The following KIF12 variants were observed in gnomAD, a reference collection of about 807,000 sequenced individuals.
The protein encoded by KIF12 is kinesin family member 12.
KIF12 carries 80 observed loss-of-function variants against 87.9 expected under a neutral mutation model. The ratio of observed to expected loss-of-function variants is 0.91; its 90% CI spans 0.76 to 1.10. The LOEUF is 1.10. Ranked by LOEUF, KIF12 falls within the 50% of genes least tolerant of loss-of-function variation. The probability of loss-of-function intolerance (pLI) is 0.00; values close to 1 mark genes in which losing one functional copy is unlikely to be tolerated. For missense variants in KIF12, 819 were observed against 865.3 expected (o/e 0.95, Z 0.67); for synonymous variants, 353 against 348.5 (o/e 1.01, Z -0.14).
intron 11 of KIF12, 85 bp from the exon 12 acceptor site, chr9:114,094,540 G>C (rs1847132422): frequency 1.3e-6 from 1 of 780,092 alleles, no homozygotes; most frequent in East Asian, 2.5e-5. Flanking sequence ...GAAGTAACTG[G>C]GGCCTAAAAT....
At chr9:114,092,719 T>C (rs546758730) in intron 16 of KIF12, 77 bp from the exon 17 acceptor site, 3 of 1,522,458 alleles carry the variant, frequency 2.0e-6, no homozygotes, top group Non-Finnish European at 2.6e-6. Context: ...GTGCTAGCCA[T>C]GACACCCCAC....
At chr9:114,092,114 T>TGCCCCCCC in intron 18 of KIF12, 114 bp from the exon 19 acceptor site, 5 of 1,388,886 alleles carry the variant, frequency 3.6e-6, no homozygotes, top group Non-Finnish European at 4.8e-6. Flanking sequence ...CCTCCACCCT[T>TGCCCCCCC]CCCCCCACCC....
At chr9:114,098,507 A>T in intron 3 of KIF12, 78 bp from the exon 4 acceptor site, 1 of 387,136 alleles carries the variant, frequency 2.6e-6, no homozygotes, top group Middle Eastern at 1.2e-3. Context: ...ACCGTGGAGG[A>T]GGGCGGGGCA....
At chr9:114,093,536 C>G (rs201489233) in intron 14 of KIF12, 39 bp from the exon 15 acceptor site, 1 of 1,483,674 alleles carries the variant, frequency 6.7e-7, no homozygotes, top group Non-Finnish European at 9.2e-7. Flanking sequence ...CAGCCTCCAA[C>G]CCTACCACCA....
rs952942397 is a variant in KIF12 at position 114,097,638 on chromosome 9, C to T, written c.479G>A (p.Arg160His). ...VQHLGAPVTL[R>H]ASYLEIYNEQ... Reference sequence around the variant, plus strand: ...ATTGTAGATCTCCAGATAAGAGGCGCGAAGGGTGACAGGGGCACCCAGGTG... The same window carrying T: ...ATTGTAGATCTCCAGATAAGAGGCGTGAAGGGTGACAGGGGCACCCAGGTG... The change falls in exon 6 of 19, where the codon CGC (arginine) becomes CAC (histidine). Residue 160 changes from arginine (R) to histidine (H), a missense_variant. Coordinates refer to ENST00000640217, the MANE Select transcript of KIF12 (RefSeq NM_001388308.1). 2 of 1,612,532 alleles carry T rather than the reference C, an allele frequency of 1.2e-6. No homozygotes were observed. The highest frequency in any genetic ancestry group is 1.7e-5 in the Admixed American group (1 of 59,882).
chr9:114,098,539 TCTGGAGGAGGGCGGGGCACC>T (rs1564385660), intron 3 of KIF12, 110 bp from the exon 4 acceptor site: 10 of 662,832 alleles, frequency 1.5e-5, no homozygotes, highest in Non-Finnish European at 6.4e-6. Context: ...GGCGGGGCAC[TCTGGAGGAGGGCGGGGCACC>T]CTGGAGAAGG....
At chr9:114,092,774 G>A (rs1269248316) in intron 16 of KIF12, 132 bp from the exon 17 acceptor site, 11 of 1,485,694 alleles carry the variant, frequency 7.4e-6, no homozygotes, top group African/African-American at 2.8e-5. Flanking sequence ...ATGGCATAAA[G>A]GGGTGGGGTC....
In KIF12 at chr9:114,091,783, A is replaced by G. The variant is rs1847007480; in HGVS notation, c.*78T>C. On this transcript the variant is annotated 3_prime_UTR_variant, in exon 19 of 19. Transcript: ENST00000640217. ...GTAGCAGCTGCTGTCTCCATTCAGC[A>G]GATGGGCAGACTGAAGCCCAAGAGT... The G allele has an allele frequency of 3.5e-6, 5 of 1,425,112 alleles. No individual in the cohort carries two copies. Among genetic ancestry groups the G allele is most frequent in the East Asian group, 2.5e-5 (1 of 40,294 alleles). The allele number at this position is 1,425,112 out of a possible 1,614,324, so 88.3% of individuals were successfully genotyped here.
chr9:114,093,807 C>T (rs554073394), intron 14 of KIF12, 79 bp downstream of exon 14: 1 of 1,251,748 alleles, frequency 8.0e-7, no homozygotes, highest in Admixed American at 1.8e-5. Flanking sequence ...AGGCCAGCCT[C>T]AAGCAGTTCA....
chr9:114,094,335 C>A lies in KIF12; in HGVS notation c.1222+18G>T. 1.2e-6 allele frequency: 2 copies of A among 1,610,940 alleles called. No individual in the cohort carries two copies. The highest frequency in any genetic ancestry group is 1.7e-6 in the Non-Finnish European group (2 of 1,177,228). ...CAGACCCTATCCCCATCCTACTCTG[C>A]CTCCAGGAAGCCCATACCCTTGCAG... On this transcript the variant is annotated intron_variant, in intron 12 of 18. Coordinates refer to ENST00000640217, the MANE Select transcript of KIF12 (RefSeq NM_001388308.1).
In KIF12 at chr9:114,092,429, T is replaced by G. The variant is rs1386799572; in HGVS notation, c.1720A>C (p.Thr574Pro). The stretch of plus-strand genomic sequence containing the variant: ...GTCAACATCTCTGCCAGGACTCGGG[T>G]CTGAGTCCAGTCACTGTGACTCCTG... ...RERSHSDWTQ[T>P]RVLAEMLTEE... Residue 574 changes from threonine (T) to proline (P), a missense_variant, in exon 18 of 19, where the codon ACC becomes CCC. Transcript: ENST00000640217. 6.2e-7 allele frequency: 1 copy of G among 1,613,558 alleles called. No homozygotes were observed. The highest frequency in any genetic ancestry group is 8.5e-7 in the Non-Finnish European group (1 of 1,179,796).
chr9:114,098,837 T>C, intron 3 of KIF12, 98 bp downstream of exon 3: 1 of 1,393,808 alleles, frequency 7.2e-7, no homozygotes, highest in Non-Finnish European at 9.7e-7. Context: ...AGAGGACCAC[T>C]CCGGGGGAGC....
rs763811977 is a variant in KIF12, at chr9:114,096,426, T to G, written c.699A>C (p.Arg233=). 5.0e-6 allele frequency: 8 copies of G among 1,613,206 alleles called. No individual in the cohort carries two copies. The highest frequency in any genetic ancestry group is 6.8e-6 in the Non-Finnish European group (8 of 1,179,748). ...SAHTLNQASS[R]SHALLTLYIS... is the part of the protein sequence containing the mutation. Reference sequence around the variant, plus strand: ...TGTAAAGGGTGAGCAGGGCATGGCTTCGGCTGGAGGCCTGGTTCAGGGTGT... The same window carrying G: ...TGTAAAGGGTGAGCAGGGCATGGCTGCGGCTGGAGGCCTGGTTCAGGGTGT... Residue 233 remains arginine (R), a synonymous_variant, in exon 8 of 19, where the codon CGA becomes CGC. Coordinates refer to ENST00000640217, the MANE Select transcript of KIF12 (RefSeq NM_001388308.1).
chr9:114,095,102 T>C lies in KIF12; in HGVS notation c.1040A>G (p.Gln347Arg). 6.2e-7 allele frequency: 1 copy of C among 1,609,474 alleles called. No homozygotes were observed. Among genetic ancestry groups the C allele is most frequent in the Non-Finnish European group, 8.5e-7 (1 of 1,177,638 alleles). Reference sequence around the variant, plus strand: ...GGTGCTGAGAGTCTCAGGAAGGCACTGGGCTGAGGGGGACACGCAGGCCAC... The same window carrying C: ...GGTGCTGAGAGTCTCAGGAAGGCACCGGGCTGAGGGGGACACGCAGGCCAC... ...LMVACVSPSAQCLPETLSTLR... is the reference protein window; with the variant it reads ...LMVACVSPSARCLPETLSTLR... The change falls in exon 11 of 19, where the codon CAG becomes CGG. Residue 347 changes from glutamine (Q) to arginine (R), a missense_variant. Transcript: ENST00000640217.
chr9:114,098,406 T>G lies in KIF12; in HGVS notation c.195A>C (p.Pro65=). The G allele has an allele frequency of 6.6e-7, 1 of 1,510,484 alleles. No homozygotes were observed. The highest frequency in any genetic ancestry group is 8.8e-7 in the Non-Finnish European group (1 of 1,136,498). 93.6% of individuals were successfully genotyped at this position (1,510,484 alleles called of 1,614,324 possible). Residue 65 remains proline (P), a synonymous_variant, in exon 4 of 19, where the codon CCA becomes CCC. Transcript: ENST00000640217. ...CCGCACCGAAGCGGAACGCCACTTC[T>G]GGACCCCCGCCTGGAGGACTCACCT... ...TLQVSPPGGG[P]EVAFRFGAVL...
In KIF12 at chr9:114,096,082, A is replaced by G. The variant is rs778172314; in HGVS notation, c.864T>C (p.Ala288=). ...CCAGCAGGCTTCGGTTGATGCTGTT[A>G]GCCTCAAGCATCAGCTCCCCACGGG... ...TGSRGELMLE[A]NSINRSLLAL... The change falls in exon 9 of 19, where the codon GCT becomes GCC. Residue 288 remains alanine, a synonymous_variant. Transcript: ENST00000640217. The G allele has an allele frequency of 6.8e-6, 11 of 1,613,464 alleles. No individual in the cohort carries two copies. The highest frequency in any genetic ancestry group is 7.6e-6 in the Non-Finnish European group (9 of 1,179,936).
intron 9 of KIF12, 129 bp downstream of exon 9, chr9:114,095,922 G>T: frequency 9.5e-7 from 1 of 1,054,410 alleles, no homozygotes; most frequent in African/African-American, 1.6e-5. Context: ...GGGGCCTTTG[G>T]TTCCTGGATC....
rs745666982 is a variant in KIF12 at position 114,097,380 on chromosome 9, C to T, written c.567G>A (p.Lys189=). 1 of 1,608,204 alleles carries T rather than the reference C, an allele frequency of 6.2e-7. No individual in the cohort carries two copies. Among genetic ancestry groups the T allele is most frequent in the East Asian group, 2.2e-5 (1 of 44,828 alleles). Residue 189 remains lysine, a synonymous_variant, in exon 7 of 19, where the codon AAG becomes AAA. Coordinates refer to ENST00000640217, the MANE Select transcript of KIF12 (RefSeq NM_001388308.1). ...SPRPLPVRWN[K]TRGFYVEQLR... is the part of the protein sequence containing the mutation. ...GCTGCTCCACATAGAAGCCCCGAGT[C>T]TTGTTCCAGCGAACAGGGAGGGGCC...
rs771305894 is a variant in KIF12 at position 114,094,199 on chromosome 9, A to G, written c.1295T>C (p.Leu432Pro). 6.2e-7 allele frequency: 1 copy of G among 1,613,830 alleles called. No individual in the cohort carries two copies. The highest frequency in any genetic ancestry group is 1.1e-5 in the South Asian group (1 of 91,076). The change falls in exon 13 of 19, where the codon CTA becomes CCA. Residue 432 changes from leucine (L) to proline (P), a missense_variant. By Grantham distance (98) the Leu-to-Pro change is moderately conservative (BLOSUM62 -3). Transcript: ENST00000640217. ...GCCCTACCTGAGCCTCTCATTCTCT[A>G]GCATGAACTCCTGTAGCATCCCGTA... ...NLYGMLQEFMLENERLRKEKS... is the reference protein window; with the variant it reads ...NLYGMLQEFMPENERLRKEKS...
Sources: allele counts gnomAD v4.1 joint callset, GRCh38; gene constraint gnomAD v4.1.1; transcripts MANE v1.5; gene names NCBI Gene and HGNC (gene_info 2026-07-23, HGNC 2026-07-21).